The following DNAJC10 variants were observed in gnomAD, a reference collection of about 807,000 sequenced individuals.
DNAJC10 encodes endoplasmic reticulum disulfide reductase DNAJC10.
DNAJC10 carries 101 observed loss-of-function variants against 115.0 expected under a neutral mutation model. The observed-to-expected ratio is 0.88, with a 90% CI of 0.75 to 1.04. DNAJC10 has a LOEUF of 1.04. Among genes scored for constraint, DNAJC10 ranks in the 50% least tolerant of loss-of-function variants. The pLI is 0.00. For missense variants in DNAJC10, 981 were observed against 928.8 expected (o/e 1.06, Z -0.73); for synonymous variants, 307 against 301.5 (o/e 1.02, Z -0.19).
At chr2:182,719,082 T>C (rs1440952495) in intron 3 of DNAJC10, among the ~76,000 whole-genome samples, 1 of 151,892 alleles carries the variant, frequency 6.6e-6, no homozygotes, top group South Asian at 2.1e-4. Flanking sequence ...TTTATTTTTT[T>C]TTAATTTTTC....
At chr2:182,725,236 T>A (rs1195389766) in intron 5 of DNAJC10, among the ~76,000 whole-genome samples, 1 of 152,168 alleles carries the variant, frequency 6.6e-6, no homozygotes, top group Non-Finnish European at 1.5e-5. Context: ...CTCTCCCACT[T>A]CTTGGGCCTC....
At chr2:182,729,604 A>AT (rs1693388392) in intron 7 of DNAJC10, among the ~76,000 whole-genome samples, 1 of 149,050 alleles carries the variant, frequency 6.7e-6, no homozygotes, top group South Asian at 2.1e-4. Flanking sequence ...AAGCTCTGAT[A>AT]TCTTTTTTCT....
chr2:182,769,428 T>A (rs1237140312), intron 22 of DNAJC10, among the ~76,000 whole-genome samples: 1 of 152,202 alleles, frequency 6.6e-6, no homozygotes, highest in Non-Finnish European at 1.5e-5. Context: ...TTGAACTAAT[T>A]AACACTCCCA....
At chr2:182,745,511 C>G (rs958083255) in intron 14 of DNAJC10, among the ~76,000 whole-genome samples, 16 of 152,268 alleles carry the variant, frequency 1.1e-4, no homozygotes, top group Non-Finnish European at 1.6e-4. Context: ...TTTATGTGCT[C>G]TTACTAACTT....
At chr2:182,733,822 TAGA>T (rs753165855) in intron 10 of DNAJC10, among the ~76,000 whole-genome samples, 160 of 151,236 alleles carry the variant, frequency 1.1e-3, no homozygotes, top group South Asian at 2.3e-3. Context: ...GATAGATAGA[TAGA>T]TAGATTTTCT....
At chr2:182,766,299 T>A (rs1559024443) in intron 22 of DNAJC10, among the ~76,000 whole-genome samples, 2 of 152,220 alleles carry the variant, frequency 1.3e-5, no homozygotes, top group African/African-American at 2.4e-5. Flanking sequence ...AGCATTCTTT[T>A]CTGATAAGGG....
At position 182,755,103 on chromosome 2, in the gene DNAJC10, AG is replaced by A; in HGVS notation, c.1653+1del. The A allele has an allele frequency of 6.4e-7, 1 of 1,562,970 alleles. No individual in the cohort carries two copies. The highest frequency in any genetic ancestry group is 8.8e-7 in the Non-Finnish European group (1 of 1,133,744). On this transcript the variant is annotated frameshift_variant and splice_region_variant, in exon 17 of 24. Coordinates refer to ENST00000264065, the MANE Select transcript of DNAJC10 (RefSeq NM_018981.4). LOFTEE classifies it high-confidence loss of function. Reference sequence around the variant, plus strand: ...GCTGAACAAATCTTGGAGTTCATAGAGGTATTTCAGATTATAGACTATGTGA... The same window carrying A: ...GCTGAACAAATCTTGGAGTTCATAGAGTATTTCAGATTATAGACTATGTGA... Reference protein sequence around the residue: ...HSAEQILEFIEDLMNPSVVSL... With the variant: ...HSAEQILEFIXDLMNPSVVSL...
intron 5 of DNAJC10, among the ~76,000 whole-genome samples, chr2:182,722,385 A>G (rs1489527933): frequency 6.6e-6 from 1 of 152,122 alleles, no homozygotes; most frequent in Non-Finnish European, 1.5e-5. Flanking sequence ...GAGCTTTTTG[A>G]TTTTAGAGTT....
intron 3 of DNAJC10, among the ~76,000 whole-genome samples, chr2:182,719,229 G>A (rs575488857): frequency 9.6e-5 from 14 of 145,332 alleles, no homozygotes; most frequent in East Asian, 4.0e-4. Flanking sequence ...AAACATTTCC[G>A]ATCCAATTTT....
Position 182,737,655 on chromosome 2 carries a change from A to C in DNAJC10, c.987+1269A>C, listed in dbSNP as rs192700449. On this transcript the variant is annotated intron_variant, in intron 11 of 23. Coordinates refer to ENST00000264065, the MANE Select transcript of DNAJC10 (RefSeq NM_018981.4). ...TATATGTGTGTGTGTACATACTTACATATCACTGCTCATTCAATATCTTCC... is the reference window on the plus strand; with the variant it reads ...TATATGTGTGTGTGTACATACTTACCTATCACTGCTCATTCAATATCTTCC... Among the ~76,000 whole-genome samples, 28 of 152,290 alleles carry C rather than the reference A, an allele frequency of 1.8e-4. No homozygotes were observed. In the East Asian group the frequency reaches 5.4e-3, roughly 29 times the overall value.
intron 3 of DNAJC10, among the ~76,000 whole-genome samples, chr2:182,719,117 TAA>T (rs1339250171): frequency 6.6e-6 from 1 of 151,964 alleles, no homozygotes; most frequent in African/African-American, 2.4e-5. Context: ...TAATGATTTT[TAA>T]GTTTCCATAT....
At position 182,791,718 on chromosome 2, in the gene DNAJC10, T is replaced by A. The variant is rs2105731901; in HGVS notation, c.*14586T>A. On this transcript the variant is annotated 3_prime_UTR_variant, in exon 24 of 24. Transcript: ENST00000264065. ...TTGGGCATACAAACTGTATACAACA[T>A]TTTATAACACTCTAATGTGGATAAG... The A allele has an allele frequency of 6.6e-6, 1 of 152,314 alleles. No individual in the cohort carries two copies. Among genetic ancestry groups the A allele is most frequent in the East Asian group, 1.9e-4 (1 of 5,186 alleles). The allele number at this position is 152,314 out of a possible 1,614,324, so 9.4% of individuals were successfully genotyped here.
Position 182,792,799 on chromosome 2 carries a change from CATTT to C in DNAJC10, c.*15672_*15675del, listed in dbSNP as rs1257464028. 6.6e-6 allele frequency: 1 copy of C among 152,158 alleles called. No homozygotes were observed. Among genetic ancestry groups the C allele is most frequent in the Non-Finnish European group, 1.5e-5 (1 of 68,020 alleles). 9.4% of individuals were successfully genotyped at this position (152,158 alleles called of 1,614,324 possible). A position where few individuals can be genotyped will look rare whatever the true frequency, so the allele number is the denominator to read the frequency against. The stretch of plus-strand genomic sequence containing the variant: ...CATGAGCCCCATGTCACTCAGCAAA[CATTT>C]ATTTGAGTACTTACAATGTGCTAGG... On this transcript the variant is annotated 3_prime_UTR_variant, in exon 24 of 24. Transcript: ENST00000264065.
chr2:182,730,043 T>C (rs1693401608), intron 8 of DNAJC10, 102 bp downstream of exon 8: 2 of 703,550 alleles, frequency 2.8e-6, no homozygotes, highest in South Asian at 1.9e-5. Context: ...ATTGAAATTT[T>C]AAAGTGTCTT....
At chr2:182,763,520 C>T (rs1029189246) in intron 22 of DNAJC10, among the ~76,000 whole-genome samples, 18 of 152,026 alleles carry the variant, frequency 1.2e-4, no homozygotes, top group African/African-American at 1.9e-4. Context: ...GCTTGAGGTC[C>T]AGTCGTGAGA....
chr2:182,787,332 A>T lies in DNAJC10; in HGVS notation c.*10200A>T, dbSNP rs572426912. On this transcript the variant is annotated 3_prime_UTR_variant, in exon 24 of 24. Coordinates refer to ENST00000264065, the MANE Select transcript of DNAJC10 (RefSeq NM_018981.4). Reference sequence around the variant, plus strand: ...TCTGCTGCTTTAAGGTTCTGGAATTATGGAAGAAAATAGGGTGGGCCTACT... The same window carrying T: ...TCTGCTGCTTTAAGGTTCTGGAATTTTGGAAGAAAATAGGGTGGGCCTACT... 1.3e-5 allele frequency: 2 copies of T among 152,346 alleles called. No individual in the cohort carries two copies. The highest frequency in any genetic ancestry group is 4.1e-4 in the South Asian group (2 of 4,830). The allele number at this position is 152,346 out of a possible 1,614,324, so 9.4% of individuals were successfully genotyped here.
chr2:182,756,978 C>CA (rs1337844090), intron 18 of DNAJC10, among the ~76,000 whole-genome samples: 4 of 152,050 alleles, frequency 2.6e-5, no homozygotes, highest in African/African-American at 9.7e-5. Context: ...AACAACAACC[C>CA]AAAAATTTAC....
intron 17 of DNAJC10, 39 bp downstream of exon 17, chr2:182,755,143 T>A: frequency 8.0e-7 from 1 of 1,247,562 alleles, no homozygotes; most frequent in Non-Finnish European, 1.2e-6. Context: ...GAAATTTGTC[T>A]GTTTCTATGT....
Position 182,784,116 on chromosome 2 carries a change from C to T in DNAJC10, c.*6984C>T, listed in dbSNP as rs1488124353. The T allele has an allele frequency of 6.6e-6, 1 of 152,020 alleles. No individual in the cohort carries two copies. The highest frequency in any genetic ancestry group is 1.5e-5 in the Non-Finnish European group (1 of 68,026). 9.4% of individuals were successfully genotyped at this position (152,020 alleles called of 1,614,324 possible). ...GCCAAGTGGAAGGATCACTTAAGGCCAGGAGTTCAAGACCAGCCTAGCCAA... is the reference window on the plus strand; with the variant it reads ...GCCAAGTGGAAGGATCACTTAAGGCTAGGAGTTCAAGACCAGCCTAGCCAA... On this transcript the variant is annotated 3_prime_UTR_variant, in exon 24 of 24. Transcript: ENST00000264065.
Sources: gnomAD v4.1 joint callset for allele counts (sites outside exome capture counted in the v4.1 genomes callset) on GRCh38, gnomAD v4.1.1 for gene constraint, MANE v1.5 for transcripts, NCBI Gene and HGNC (gene_info 2026-07-23, HGNC 2026-07-21) for gene names.